DLGAP2: variants seen among roughly 807,000 people sequenced by gnomAD.
The protein encoded by DLGAP2 is disks large-associated protein 2.
DLGAP2 carries 26 observed loss-of-function variants against 100.3 expected under a neutral mutation model. The observed-to-expected ratio is 0.26, with a 90% confidence interval of 0.19 to 0.36. DLGAP2 has a LOEUF of 0.36. Among genes scored for constraint, DLGAP2 ranks in the 10% least tolerant of loss-of-function variants. The pLI, the probability that DLGAP2 is intolerant of heterozygous loss-of-function variation, is 1.00. For synonymous variants in DLGAP2, 886 were observed against 630.1 expected, an observed-to-expected ratio of 1.41 and a Z score of -6.08; for missense variants, 1,858 against 1,453.2, an observed-to-expected ratio of 1.28 and a Z score of -4.53.
chr8:750,712 C>G (rs1820767835), intron 1 of DLGAP2, among the ~76,000 whole-genome samples: 1 of 152,268 alleles, frequency 6.6e-6, no homozygotes, highest in Non-Finnish European at 1.5e-5. Flanking sequence ...ACAGGTCCAT[C>G]TACCATGCAG....
At chr8:1,588,224 G>T (rs1212549812) in intron 6 of DLGAP2, among the ~76,000 whole-genome samples, 1 of 152,030 alleles carries the variant, frequency 6.6e-6, no homozygotes. Context: ...TTCATGCAAG[G>T]CTTTCTGTTC....
intron 2 of DLGAP2, among the ~76,000 whole-genome samples, chr8:1,076,697 C>T (rs12544713): frequency 0.35 from 53,582 of 152,058 alleles, 9,458 homozygotes; most frequent in Middle Eastern, 0.38. Flanking sequence ...AAAGGCCATT[C>T]CCCTTAGTGT....
Position 1,274,368 on chromosome 8 carries a change from C to A in DLGAP2, c.106+15485C>A, listed in dbSNP as rs117159995. Among the ~76,000 whole-genome samples, 38 of 152,092 alleles carry A rather than the reference C, an allele frequency of 2.5e-4. No individual in the cohort carries two copies. The East Asian group carries it at 7.4e-3, about 29-fold the overall frequency. On this transcript the variant is annotated intron_variant, in intron 3 of 14. Coordinates refer to ENST00000637795, the MANE Select transcript of DLGAP2 (RefSeq NM_001346810.2). ...AAGCCAGCACGTATAAGAAAATAAA[C>A]CATAAAATAAGCCAACATGTATAAG...
chr8:1,525,201 T>TTC (rs1800752361), intron 4 of DLGAP2, among the ~76,000 whole-genome samples: 1 of 150,996 alleles, frequency 6.6e-6, no homozygotes, highest in Admixed American at 6.6e-5. Flanking sequence ...CTTTTTTTTT[T>TTC]TTTTTTTTTT....
chr8:915,439 C>T (rs922051916), intron 2 of DLGAP2, among the ~76,000 whole-genome samples: 180 of 152,032 alleles, frequency 1.2e-3, no homozygotes, highest in Non-Finnish European at 4.0e-4. Context: ...CCTAGCTACT[C>T]GGGAGGCTGA....
At chr8:1,341,462 A>C (rs987236946) in intron 3 of DLGAP2, among the ~76,000 whole-genome samples, 34 of 152,218 alleles carry the variant, frequency 2.2e-4, no homozygotes, top group Non-Finnish European at 8.8e-5. Flanking sequence ...TCTGAAACAC[A>C]TATAGGCGTA....
intron 3 of DLGAP2, among the ~76,000 whole-genome samples, chr8:1,263,058 A>G (rs1799383124): frequency 6.6e-6 from 1 of 152,218 alleles, no homozygotes; most frequent in African/African-American, 2.4e-5. Context: ...ATTTGCCCCC[A>G]TTAAATCTAA....
At chr8:1,671,263 G>A (rs947691973) in intron 10 of DLGAP2, among the ~76,000 whole-genome samples, 1 of 152,228 alleles carries the variant, frequency 6.6e-6, no homozygotes, top group Non-Finnish European at 1.5e-5. Context: ...TTCTGTTCCT[G>A]TTCTGGGACA....
intron 4 of DLGAP2, among the ~76,000 whole-genome samples, chr8:1,527,563 A>T (rs763829128): frequency 3.9e-5 from 6 of 152,278 alleles, no homozygotes; most frequent in Non-Finnish European, 8.8e-5. Flanking sequence ...GGTAAATTCC[A>T]GTGCATTTCT....
chr8:1,632,374 T>A (rs939348113), intron 7 of DLGAP2, among the ~76,000 whole-genome samples: 1 of 152,162 alleles, frequency 6.6e-6, no homozygotes, highest in Non-Finnish European at 1.5e-5. Flanking sequence ...CTGAGTAGTG[T>A]ATGCACTGAA....
chr8:1,549,042 G>A lies in DLGAP2; in HGVS notation c.589G>A (p.Glu197Lys), dbSNP rs748002105. The A allele has an allele frequency of 1.3e-6, 2 of 1,593,694 alleles. No homozygotes were observed. Among genetic ancestry groups the A allele is most frequent in the South Asian group, 1.1e-5 (1 of 89,432 alleles). ...RIPANLLDQF[E>K]KQLPLHRDGF... Reference sequence around the variant, plus strand: ...CCCGGCCAACCTGCTGGACCAGTTCGAGAAGCAGCTGCCGCTGCACCGGGA... The same window carrying A: ...CCCGGCCAACCTGCTGGACCAGTTCAAGAAGCAGCTGCCGCTGCACCGGGA... Residue 197 changes from glutamate to lysine, a missense_variant, in exon 5 of 15, where the codon GAG becomes AAG. Physicochemically the swap from Glu to Lys is moderately conservative, Grantham distance 56. Coordinates refer to ENST00000637795, the MANE Select transcript of DLGAP2 (RefSeq NM_001346810.2).
intron 2 of DLGAP2, among the ~76,000 whole-genome samples, chr8:1,157,307 T>C (rs993527091): frequency 6.6e-6 from 1 of 152,180 alleles, no homozygotes; most frequent in Non-Finnish European, 1.5e-5. Context: ...AGAGATGGCC[T>C]GCTCAGCCAT....
chr8:796,657 C>T (rs1796042674), intron 1 of DLGAP2, among the ~76,000 whole-genome samples: 2 of 152,198 alleles, frequency 1.3e-5, no homozygotes, highest in South Asian at 2.1e-4. Context: ...TTCAGACACA[C>T]AAGCCTGCTG....
At chr8:1,408,612 C>T (rs1248001030) in intron 3 of DLGAP2, among the ~76,000 whole-genome samples, 1 of 152,198 alleles carries the variant, frequency 6.6e-6, no homozygotes, top group Non-Finnish European at 1.5e-5. Context: ...AGCCTGTTTT[C>T]TGGAGCAGGC....
chr8:1,285,626 GA>G (rs1442664816), intron 3 of DLGAP2, among the ~76,000 whole-genome samples: 14 of 151,876 alleles, frequency 9.2e-5, no homozygotes, highest in African/African-American at 2.9e-4. Context: ...TTTCAGAGGG[GA>G]AAAAAAGCTT....
intron 3 of DLGAP2, among the ~76,000 whole-genome samples, chr8:1,485,264 C>T (rs1044289620): frequency 6.6e-6 from 1 of 152,168 alleles, no homozygotes; most frequent in Non-Finnish European, 1.5e-5. Flanking sequence ...ATTAGCCAGA[C>T]CCACTCTACG....
chr8:1,686,956 A>T (rs1438130443), intron 12 of DLGAP2, among the ~76,000 whole-genome samples: 1 of 152,228 alleles, frequency 6.6e-6, no homozygotes, highest in East Asian at 1.9e-4. Context: ...CACTGTAGAC[A>T]TCTGTTCAAA....
chr8:1,314,051 C>T (rs185659698), intron 3 of DLGAP2, among the ~76,000 whole-genome samples: 14 of 152,328 alleles, frequency 9.2e-5, no homozygotes, highest in East Asian at 1.9e-4. Context: ...TAGCAACACA[C>T]GCTTTTCAGT....
intron 3 of DLGAP2, among the ~76,000 whole-genome samples, chr8:1,411,931 C>T (rs529540633): frequency 4.1e-4 from 63 of 152,282 alleles, no homozygotes; most frequent in Middle Eastern, 3.4e-3. Flanking sequence ...GATGCTTCCA[C>T]GCCAGTATCC....
Sources: allele counts gnomAD v4.1 joint callset (sites outside exome capture counted in the v4.1 genomes callset), GRCh38; gene constraint gnomAD v4.1.1; transcripts MANE v1.5; gene names NCBI Gene and HGNC (gene_info 2026-07-23, HGNC 2026-07-21).